ZNF804B: variants seen among roughly 807,000 people sequenced by gnomAD.
ZNF804B encodes zinc finger protein 804B, also known as zinc finger 804B.
In ZNF804B, 80 loss-of-function variants were observed where a neutral mutation model predicts 101.4. That is an observed-to-expected ratio of 0.79 (90% CI 0.66 to 0.95). The LOEUF (loss-of-function observed/expected upper bound fraction) is 0.95. Among genes scored for constraint, ZNF804B ranks in the 40% least tolerant of loss-of-function variants. The pLI is 0.00. For synonymous variants in ZNF804B, 622 were observed against 558.8 expected (o/e 1.11, Z -1.59); for missense variants, 1,673 against 1,561.9 (o/e 1.07, Z -1.20).
At chr7:88,827,262 A>G (rs1562804711) in intron 1 of ZNF804B, among the ~76,000 whole-genome samples, 1 of 151,768 alleles carries the variant, frequency 6.6e-6, no homozygotes, top group Non-Finnish European at 1.5e-5. Context: ...TAACTAGGGA[A>G]CTTTAAAAAT....
chr7:89,336,200 T>G lies in ZNF804B; in HGVS notation c.3218T>G (p.Phe1073Cys), dbSNP rs149502480. Reference protein sequence around the residue: ...IQSCDPVPNEFPGAFPSNKYT... With the variant: ...IQSCDPVPNECPGAFPSNKYT... ...AGCTGTGACCCAGTACCAAATGAATTCCCTGGTGCTTTTCCGTCTAATAAA... is the reference window on the plus strand; with the variant it reads ...AGCTGTGACCCAGTACCAAATGAATGCCCTGGTGCTTTTCCGTCTAATAAA... Residue 1073 changes from phenylalanine (F) to cysteine (C), a missense_variant, in exon 4 of 4, where the codon TTC (phenylalanine) becomes TGC (cysteine). By Grantham distance (205) the Phe-to-Cys change is radical. Coordinates refer to ENST00000333190, the MANE Select transcript of ZNF804B (RefSeq NM_181646.5). The G allele has an allele frequency of 6.2e-7, 1 of 1,613,846 alleles. No individual in the cohort carries two copies. The highest frequency in any genetic ancestry group is 1.1e-5 in the South Asian group (1 of 91,078).
rs531928967 is a variant in ZNF804B at position 89,079,446 on chromosome 7, CTT to C, written c.109-138708_109-138707del. Among the ~76,000 whole-genome samples the C allele has an allele frequency of 7.2e-5, 11 of 152,100 alleles. No homozygotes were observed. The South Asian group carries it at 2.3e-3, about 32-fold the overall frequency. On this transcript the variant is annotated intron_variant, in intron 1 of 3. Transcript: ENST00000333190. ...TGATTTGAATACAGAGTCCTTCACT[CTT>C]AGGCAGGTAACCCTTTGGTAAATTT...
intron 1 of ZNF804B, among the ~76,000 whole-genome samples, chr7:89,094,598 T>G (rs73707762): frequency 0.024 from 3,664 of 152,274 alleles, 148 homozygotes; most frequent in African/African-American, 0.084. Flanking sequence ...TGCAGTAGTT[T>G]TCCTACCCTG....
chr7:89,264,405 A>G (rs1789753965), intron 2 of ZNF804B, among the ~76,000 whole-genome samples: 2 of 152,176 alleles, frequency 1.3e-5, no homozygotes. Context: ...TCTTGAGGCT[A>G]ATATGCCACT....
At chr7:88,950,731 G>T (rs564122398) in intron 1 of ZNF804B, among the ~76,000 whole-genome samples, 77 of 151,470 alleles carry the variant, frequency 5.1e-4, no homozygotes, top group South Asian at 8.3e-4. Flanking sequence ...TCTTACATTT[G>T]GTATAAGGAT....
chr7:88,901,636 A>AAG (rs1022916151), intron 1 of ZNF804B, among the ~76,000 whole-genome samples: 5 of 150,930 alleles, frequency 3.3e-5, no homozygotes, highest in African/African-American at 4.8e-5. Context: ...TAGAGAGAGA[A>AAG]AGAGAGAGAG....
intron 1 of ZNF804B, among the ~76,000 whole-genome samples, chr7:88,874,667 G>T (rs1434261060): frequency 6.6e-6 from 1 of 152,156 alleles, no homozygotes; most frequent in South Asian, 2.1e-4. Context: ...TTTATTGAGA[G>T]TTTTTAGCAT....
At chr7:88,945,121 C>G (rs1584031222) in intron 1 of ZNF804B, among the ~76,000 whole-genome samples, 1 of 151,824 alleles carries the variant, frequency 6.6e-6, no homozygotes, top group Admixed American at 6.6e-5. Flanking sequence ...ATTTTGACTT[C>G]TGTTGCCATT....
At chr7:89,006,153 A>C (rs189707924) in intron 1 of ZNF804B, among the ~76,000 whole-genome samples, 1 of 152,220 alleles carries the variant, frequency 6.6e-6, no homozygotes, top group East Asian at 1.9e-4. Flanking sequence ...TCTCAAAGCA[A>C]GGGCATTTTT....
chr7:88,819,494 T>G (rs1308929300), intron 1 of ZNF804B, among the ~76,000 whole-genome samples: 1 of 152,140 alleles, frequency 6.6e-6, no homozygotes, highest in East Asian at 1.9e-4. Flanking sequence ...GGGGGTTACC[T>G]GAGGCATTTT....
At chr7:88,914,423 G>C (rs1237990634) in intron 1 of ZNF804B, among the ~76,000 whole-genome samples, 1 of 152,078 alleles carries the variant, frequency 6.6e-6, no homozygotes, top group African/African-American at 2.4e-5. Context: ...CATGTGACTT[G>C]AAGAGGGTTT....
chr7:89,262,734 A>C (rs1789729155), intron 2 of ZNF804B, among the ~76,000 whole-genome samples: 1 of 152,008 alleles, frequency 6.6e-6, no homozygotes, highest in African/African-American at 2.4e-5. Context: ...ATATAATTAG[A>C]GTTTGCTTAG....
At chr7:88,779,177 T>A (rs1008060305) in intron 1 of ZNF804B, among the ~76,000 whole-genome samples, 4 of 152,218 alleles carry the variant, frequency 2.6e-5, no homozygotes, top group Non-Finnish European at 2.9e-5. Context: ...CTCCATCAAT[T>A]GTTGTTTAAA....
chr7:89,084,492 T>C (rs1177862611), intron 1 of ZNF804B, among the ~76,000 whole-genome samples: 1 of 151,956 alleles, frequency 6.6e-6, no homozygotes, highest in African/African-American at 2.4e-5. Context: ...CTGCTAATAA[T>C]ATTTCCCACT....
At chr7:89,144,773 C>T (rs1053514622) in intron 1 of ZNF804B, among the ~76,000 whole-genome samples, 2 of 152,044 alleles carry the variant, frequency 1.3e-5, no homozygotes, top group Middle Eastern at 6.8e-3. Context: ...ACATTATAAA[C>T]ATATATCAAA....
At chr7:89,105,331 G>T (rs34362136) in intron 1 of ZNF804B, among the ~76,000 whole-genome samples, 11,131 of 152,078 alleles carry the variant, frequency 0.073, 849 homozygotes, top group African/African-American at 0.19. Flanking sequence ...ATTTCCTCAT[G>T]CATCCAATGA....
chr7:89,247,072 AT>A (rs1473328006), intron 2 of ZNF804B, among the ~76,000 whole-genome samples: 1 of 152,150 alleles, frequency 6.6e-6, no homozygotes, highest in Non-Finnish European at 1.5e-5. Flanking sequence ...ACTCTCCTGG[AT>A]TAGGAGTTTA....
At chr7:89,288,458 C>A (rs888075421) in intron 2 of ZNF804B, among the ~76,000 whole-genome samples, 4 of 152,064 alleles carry the variant, frequency 2.6e-5, no homozygotes, top group African/African-American at 9.7e-5. Flanking sequence ...TACAACTAAG[C>A]ACAAAAGAAC....
intron 1 of ZNF804B, among the ~76,000 whole-genome samples, chr7:88,858,098 C>A (rs894976077): frequency 2.6e-5 from 4 of 152,160 alleles, no homozygotes; most frequent in Admixed American, 2.0e-4. Flanking sequence ...GCTGGGATTA[C>A]AGGTGAGAGC....
Sources: gnomAD v4.1 joint callset for allele counts (sites outside exome capture counted in the v4.1 genomes callset) on GRCh38, gnomAD v4.1.1 for gene constraint, MANE v1.5 for transcripts, NCBI Gene and HGNC (gene_info 2026-07-23, HGNC 2026-07-21) for gene names.